The following PCDHA12 variants were observed in gnomAD, a reference collection of about 807,000 sequenced individuals.
The protein encoded by PCDHA12 is protocadherin alpha-12.
Under a neutral mutation model 60.0 loss-of-function variants are expected in PCDHA12, and 44 were observed. The ratio of observed to expected loss-of-function variants is 0.73; its 90% CI spans 0.58 to 0.94. PCDHA12 has a LOEUF of 0.94. PCDHA12 is among the 40% of genes least tolerant of loss of function. The pLI is 0.00. For synonymous variants in PCDHA12, 569 were observed against 553.0 expected (o/e 1.03, Z -0.40); for missense variants, 1,276 against 1,239.7 (o/e 1.03, Z -0.44).
At chr5:140,990,740 G>A (rs76434886) in intron 3 of PCDHA12, among the ~76,000 whole-genome samples, 1 of 152,170 alleles carries the variant, frequency 6.6e-6, no homozygotes, top group African/African-American at 2.4e-5. Flanking sequence ...AACAGCCCTA[G>A]GGTGGATACC....
At chr5:140,967,869 C>A in intron 1 of PCDHA12, 1 of 1,614,160 alleles carries the variant, frequency 6.2e-7, no homozygotes, top group South Asian at 1.1e-5. Flanking sequence ...GTGGTGCTCA[C>A]GGACCTGTAT....
intron 1 of PCDHA12, among the ~76,000 whole-genome samples, chr5:140,918,322 A>G (rs538027862): frequency 1.1e-4 from 16 of 152,220 alleles, no homozygotes; most frequent in African/African-American, 2.6e-4. Context: ...GTATAAAATT[A>G]TATTGTCTGC....
intron 1 of PCDHA12, among the ~76,000 whole-genome samples, chr5:140,938,866 G>A (rs1372323218): frequency 2.6e-5 from 4 of 152,040 alleles, no homozygotes; most frequent in African/African-American, 9.7e-5. Context: ...GAACTTAAAA[G>A]TTAAGAAGCA....
At chr5:140,900,712 A>G (rs1408382305) in intron 1 of PCDHA12, among the ~76,000 whole-genome samples, 2 of 152,234 alleles carry the variant, frequency 1.3e-5, no homozygotes, top group Non-Finnish European at 2.9e-5. Context: ...TTGGAAAGAA[A>G]GGAAATCCTA....
intron 1 of PCDHA12, among the ~76,000 whole-genome samples, chr5:140,913,266 T>C (rs1458769816): frequency 1.3e-5 from 2 of 152,176 alleles, no homozygotes; most frequent in Non-Finnish European, 2.9e-5. Flanking sequence ...TCTAATTACT[T>C]GTTATTGGTC....
At chr5:140,908,958 T>C (rs555962129) in intron 1 of PCDHA12, among the ~76,000 whole-genome samples, 2 of 152,268 alleles carry the variant, frequency 1.3e-5, no homozygotes, top group East Asian at 3.9e-4. Context: ...AGAAGGAATA[T>C]CTTGATAGGC....
intron 3 of PCDHA12, among the ~76,000 whole-genome samples, chr5:140,984,053 TC>T (rs2097083610): frequency 6.6e-6 from 1 of 152,154 alleles, no homozygotes; most frequent in Non-Finnish European, 1.5e-5. Flanking sequence ...CATTGACAAA[TC>T]TGTACCCTCA....
At chr5:140,880,926 G>C (rs1554171610) in intron 1 of PCDHA12, among the ~76,000 whole-genome samples, 1 of 152,192 alleles carries the variant, frequency 6.6e-6, no homozygotes, top group African/African-American at 2.4e-5. Context: ...TACTATGTTA[G>C]TAAAAGTAAT....
At chr5:140,881,798 A>G (rs2153381417) in intron 1 of PCDHA12, among the ~76,000 whole-genome samples, 1 of 152,372 alleles carries the variant, frequency 6.6e-6, no homozygotes, top group South Asian at 2.1e-4. Context: ...TTGTCCCAAA[A>G]CGAGTGTCGA....
At chr5:140,900,559 G>A (rs542075943) in intron 1 of PCDHA12, among the ~76,000 whole-genome samples, 2 of 152,314 alleles carry the variant, frequency 1.3e-5, no homozygotes, top group African/African-American at 2.4e-5. Context: ...TTACAGGCGT[G>A]AGCCACGGCA....
Position 140,876,717 on chromosome 5 carries a change from C to T in PCDHA12, c.1245C>T (p.Arg415=), listed in dbSNP as rs377702421. ...TGGTGCTGGACAGCGCCCTGGACCG[C>T]GAGAGCGTGTCGGCCTATGAGCTGG... ...YSLVLDSALD[R]ESVSAYELVV... Residue 415 remains arginine, a synonymous_variant, in exon 1 of 4, where the codon CGC becomes CGT. Coordinates refer to ENST00000398631, the MANE Select transcript of PCDHA12 (RefSeq NM_018903.4). The T allele has an allele frequency of 3.7e-6, 6 of 1,614,118 alleles. No homozygotes were observed. The African/African-American group carries it at 5.3e-5, about 14-fold the overall frequency.
intron 1 of PCDHA12, among the ~76,000 whole-genome samples, chr5:140,925,132 T>G (rs2082347636): frequency 6.6e-6 from 1 of 151,168 alleles, no homozygotes; most frequent in Non-Finnish European, 1.5e-5. Context: ...GAAAAAAAAT[T>G]TCAAACATAC....
chr5:140,967,963 A>G (rs1554230144), intron 1 of PCDHA12: 1 of 1,614,210 alleles, frequency 6.2e-7, no homozygotes, highest in South Asian at 1.1e-5. Flanking sequence ...CCAACCGGAA[A>G]GTGAGCCTGG....
At chr5:140,933,106 C>T (rs2088855819) in intron 1 of PCDHA12, among the ~76,000 whole-genome samples, 1 of 151,884 alleles carries the variant, frequency 6.6e-6, no homozygotes. Context: ...AAAGGTTGTT[C>T]TTAAGAAACA....
chr5:140,994,515 C>A (rs1450335712), intron 3 of PCDHA12, among the ~76,000 whole-genome samples: 1 of 150,238 alleles, frequency 6.7e-6, no homozygotes, highest in African/African-American at 2.5e-5. Context: ...ACAGCCTGGG[C>A]AACATGGCAA....
rs1247391418 is a variant in PCDHA12 at position 140,877,684 on chromosome 5, A to G, written c.2212A>G (p.Thr738Ala). The G allele has an allele frequency of 1.9e-6, 3 of 1,613,650 alleles. No individual in the cohort carries two copies. The highest frequency in any genetic ancestry group is 2.5e-6 in the Non-Finnish European group (3 of 1,179,912). ...GAGCCGGTGCGCGCCGGGCAAGCCC[A>G]CGCTGGTGTGCTCCAGCGCCGTGGG... ...TVSRCAPGKP[T>A]LVCSSAVGSW... is the part of the protein sequence containing the mutation. The change falls in exon 1 of 4, where the codon ACG becomes GCG. Residue 738 changes from threonine to alanine, a missense_variant. Thr to Ala is a moderately conservative substitution (Grantham distance 58, BLOSUM62 0). Coordinates refer to ENST00000398631, the MANE Select transcript of PCDHA12 (RefSeq NM_018903.4).
At chr5:140,954,275 T>C (rs1447578594) in intron 1 of PCDHA12, among the ~76,000 whole-genome samples, 1 of 152,218 alleles carries the variant, frequency 6.6e-6, no homozygotes, top group Non-Finnish European at 1.5e-5. Context: ...AATAGGATGA[T>C]TTATATTCCT....
chr5:140,955,171 C>G (rs887184603), intron 1 of PCDHA12, among the ~76,000 whole-genome samples: 2 of 152,158 alleles, frequency 1.3e-5, no homozygotes, highest in African/African-American at 2.4e-5. Context: ...GTTTTGGTTA[C>G]TGTAGTTTTG....
chr5:140,967,698 A>T, intron 1 of PCDHA12: 1 of 1,614,174 alleles, frequency 6.2e-7, no homozygotes, highest in Non-Finnish European at 8.5e-7. Context: ...TTCAGCATAG[A>T]TGCCAGTACC....
Sources: allele counts gnomAD v4.1 joint callset (sites outside exome capture counted in the v4.1 genomes callset), GRCh38; gene constraint gnomAD v4.1.1; transcripts MANE v1.5; gene names NCBI Gene and HGNC (gene_info 2026-07-23, HGNC 2026-07-21).